Variants in PACS1 observed in about 807,000 individuals in gnomAD.
PACS1 encodes PACS-1.
Under a neutral mutation model 115.0 loss-of-function variants are expected in PACS1, and 24 were observed. The ratio of observed to expected loss-of-function variants is 0.21; its 90% confidence interval spans 0.15 to 0.29. The LOEUF (loss-of-function observed/expected upper bound fraction) is 0.29. PACS1 is among the 10% of genes least tolerant of loss of function. The pLI is 1.00. For missense variants in PACS1, 838 were observed against 1,251.2 expected, an observed-to-expected ratio of 0.67 and a Z score of 4.98; for synonymous variants, 453 against 504.5, an observed-to-expected ratio of 0.90 and a Z score of 1.37.
chr11:66,237,954 G>T (rs533586944), intron 19 of PACS1: 2 of 528,046 alleles, frequency 3.8e-6, no homozygotes. Flanking sequence ...GGTAGATTTC[G>T]CCCCATCAGG....
chr11:66,240,269 A>G (rs1855784833), intron 21 of PACS1, among the ~76,000 whole-genome samples: 1 of 152,042 alleles, frequency 6.6e-6, no homozygotes, highest in African/African-American at 2.4e-5. Flanking sequence ...GATCTCAAGT[A>G]TCTACAGTTT....
chr11:66,239,320 G>A, intron 21 of PACS1, 43 bp downstream of exon 21: 1 of 1,574,818 alleles, frequency 6.3e-7, no homozygotes, highest in South Asian at 1.1e-5. Context: ...CCCTCCATCA[G>A]GCCCACCCGG....
At chr11:66,178,043 G>T (rs921675189) in intron 1 of PACS1, among the ~76,000 whole-genome samples, 1 of 149,380 alleles carries the variant, frequency 6.7e-6, no homozygotes, top group African/African-American at 2.6e-5. Flanking sequence ...GAACCAATAT[G>T]ATATCTAGTT....
chr11:66,086,993 G>A (rs1565101162), intron 1 of PACS1, among the ~76,000 whole-genome samples: 1 of 152,032 alleles, frequency 6.6e-6, no homozygotes, highest in African/African-American at 2.4e-5. Context: ...GGAATGTCAT[G>A]TACACTCAGA....
rs575620517 is a variant in PACS1 at position 66,108,828 on chromosome 11, C to T, written c.356+37986C>T. On this transcript the variant is annotated intron_variant, in intron 1 of 23. Coordinates refer to ENST00000320580, the MANE Select transcript of PACS1 (RefSeq NM_018026.4). Reference sequence around the variant, plus strand: ...AAGAAAGAAAGAATGAATGAGTTAGCTGGGTGTGCTGATGTGTCTGTAGTC... The same window carrying T: ...AAGAAAGAAAGAATGAATGAGTTAGTTGGGTGTGCTGATGTGTCTGTAGTC... 6.1e-4 allele frequency among the ~76,000 whole-genome samples: 93 copies of T among 152,058 alleles called. 2 individuals carry two copies. In the South Asian group the frequency reaches 0.018, roughly 29 times the overall value.
chr11:66,081,558 C>G (rs1857479994), intron 1 of PACS1, among the ~76,000 whole-genome samples: 1 of 152,180 alleles, frequency 6.6e-6, no homozygotes, highest in Admixed American at 6.5e-5. Context: ...CTGCCAAACC[C>G]CAAGCTTATT....
intron 4 of PACS1, among the ~76,000 whole-genome samples, chr11:66,213,978 A>G (rs574566946): frequency 7.2e-6 from 1 of 138,060 alleles, no homozygotes; most frequent in South Asian, 2.4e-4. Flanking sequence ...GCTTTCAGTG[A>G]GCCGAGATTG....
At chr11:66,210,997 T>A in intron 3 of PACS1, 137 bp from the exon 4 acceptor site, 1 of 995,770 alleles carries the variant, frequency 1.0e-6, no homozygotes, top group Non-Finnish European at 1.5e-6. Context: ...AGCAACTTCA[T>A]GGCTCTCCTT....
At chr11:66,163,558 T>G (rs912675946) in intron 1 of PACS1, among the ~76,000 whole-genome samples, 2 of 152,154 alleles carry the variant, frequency 1.3e-5, no homozygotes, top group Non-Finnish European at 2.9e-5. Flanking sequence ...AACAGTAGAC[T>G]TAAAGATGCT....
chr11:66,106,980 A>C (rs1858060204), intron 1 of PACS1, among the ~76,000 whole-genome samples: 2 of 152,162 alleles, frequency 1.3e-5, no homozygotes. Flanking sequence ...GGAATTCTGC[A>C]GCACAAAACA....
At chr11:66,201,373 A>G (rs1351002498) in intron 2 of PACS1, among the ~76,000 whole-genome samples, 1 of 152,240 alleles carries the variant, frequency 6.6e-6, no homozygotes, top group African/African-American at 2.4e-5. Flanking sequence ...ATAAATTAAA[A>G]AGGAAAATTG....
intron 1 of PACS1, among the ~76,000 whole-genome samples, chr11:66,150,600 T>C (rs1241361165): frequency 6.6e-6 from 1 of 152,258 alleles, no homozygotes; most frequent in Non-Finnish European, 1.5e-5. Context: ...GTGTTATTGT[T>C]CATTACTTGA....
In PACS1 at chr11:66,236,532, A is replaced by T. The variant is rs1438464827; in HGVS notation, c.2250+592A>T. ...CCAAGGAGAAATCTCTATACTAGTAAACTTTGAAAGTCAAGGAAGAACCCC... is the reference window on the plus strand; with the variant it reads ...CCAAGGAGAAATCTCTATACTAGTATACTTTGAAAGTCAAGGAAGAACCCC... On this transcript the variant is annotated intron_variant, in intron 19 of 23. Transcript: ENST00000320580. This position sits in a 1 kb window ranked among gnomAD's most constrained non-coding sequence, Gnocchi z 4.2. Among the ~76,000 whole-genome samples the T allele has an allele frequency of 6.6e-6, 1 of 152,136 alleles. No homozygotes were observed. Among genetic ancestry groups the T allele is most frequent in the Admixed American group, 6.5e-5 (1 of 15,276 alleles).
chr11:66,239,794 C>G (rs1714939859), intron 21 of PACS1, among the ~76,000 whole-genome samples: 1 of 152,242 alleles, frequency 6.6e-6, no homozygotes, highest in African/African-American at 2.4e-5. Context: ...TTAGCTTAGA[C>G]AAGTTACTGA....
At chr11:66,195,480 C>T (rs1164315681) in intron 2 of PACS1, among the ~76,000 whole-genome samples, 1 of 152,216 alleles carries the variant, frequency 6.6e-6, no homozygotes, top group African/African-American at 2.4e-5. Context: ...AAGAATGTTG[C>T]TGTCCTGTGC....
At chr11:66,103,398 AT>A (rs1297767292) in intron 1 of PACS1, among the ~76,000 whole-genome samples, 4 of 151,100 alleles carry the variant, frequency 2.6e-5, no homozygotes, top group African/African-American at 9.7e-5. Context: ...GACAGAGCAG[AT>A]TGAAATAAGT....
intron 1 of PACS1, among the ~76,000 whole-genome samples, chr11:66,077,026 AAGGTTTT>A (rs1289289626): frequency 7.2e-5 from 11 of 152,190 alleles, no homozygotes; most frequent in Non-Finnish European, 1.3e-4. Flanking sequence ...CCAGCTTCCA[AAGGTTTT>A]AGAGACCAAG....
At chr11:66,102,523 C>T (rs768969327) in intron 1 of PACS1, among the ~76,000 whole-genome samples, 5 of 151,796 alleles carry the variant, frequency 3.3e-5, no homozygotes, top group Admixed American at 6.6e-5. Flanking sequence ...AGGGGTTTCA[C>T]CATGTTGGCC....
intron 1 of PACS1, among the ~76,000 whole-genome samples, chr11:66,087,944 T>C (rs1462770963): frequency 6.6e-6 from 1 of 152,038 alleles, no homozygotes; most frequent in African/African-American, 2.4e-5. Context: ...TGGGCTGGAG[T>C]AAAATGATTT....
Sources: allele counts gnomAD v4.1 joint callset (sites outside exome capture counted in the v4.1 genomes callset), GRCh38; gene constraint gnomAD v4.1.1; non-coding constraint Gnocchi (gnomAD v3.1); transcripts MANE v1.5; gene names NCBI Gene and HGNC (gene_info 2026-07-23, HGNC 2026-07-21).